The following TNS4 variants were observed in gnomAD, a reference collection of about 807,000 sequenced individuals.
The protein encoded by TNS4 is tensin-4.
In TNS4, 46 loss-of-function variants were observed where a neutral mutation model predicts 70.4. The ratio of observed to expected loss-of-function variants is 0.65; its 90% CI spans 0.52 to 0.84. The LOEUF is 0.84. Among genes scored for constraint, TNS4 ranks in the 40% least tolerant of loss-of-function variants. TNS4 has a pLI of 0.00. For missense variants in TNS4, 863 were observed against 907.0 expected (o/e 0.95, Z 0.62); for synonymous variants, 390 against 366.6 (o/e 1.06, Z -0.73).
At chr17:40,480,137 A>T in intron 9 of TNS4, 1 of 383,870 alleles carries the variant, frequency 2.6e-6, no homozygotes, top group Non-Finnish European at 4.7e-6. Flanking sequence ...TTCTGTCCAC[A>T]CTTAACGGCT....
At chr17:40,482,473 G>T in intron 6 of TNS4, 57 bp from the exon 7 acceptor site, 1 of 1,563,462 alleles carries the variant, frequency 6.4e-7, no homozygotes, top group South Asian at 1.1e-5. Context: ...GCCGGGCGCG[G>T]TGGCTCACGC....
At position 40,482,398 on chromosome 17, in the gene TNS4, A is replaced by T. The variant is rs1370659527; in HGVS notation, c.1520T>A (p.Leu507His). ...CGACTCGATGAGGAAGTGTCGGATG[A>T]GGTCATTGCTGTCCTCACCTGGACA... ...QSRPGEDSND[L>H]IRHFLIESSA... Residue 507 changes from leucine (L) to histidine (H), a missense_variant, in exon 7 of 13, where the codon CTC becomes CAC. Coordinates refer to ENST00000254051, the MANE Select transcript of TNS4 (RefSeq NM_032865.6). 1 of 1,614,028 alleles carries T rather than the reference A, an allele frequency of 6.2e-7. No homozygotes were observed. The highest frequency in any genetic ancestry group is 8.5e-7 in the Non-Finnish European group (1 of 1,180,004).
intron 2 of TNS4, among the ~76,000 whole-genome samples, chr17:40,492,026 G>C (rs1319813889): frequency 6.6e-6 from 1 of 152,198 alleles, no homozygotes; most frequent in Non-Finnish European, 1.5e-5. Context: ...ATTCTCTGTG[G>C]GATGGGGGCC....
At chr17:40,500,692 G>C (rs2036201647) in intron 1 of TNS4, among the ~76,000 whole-genome samples, 1 of 152,154 alleles carries the variant, frequency 6.6e-6, no homozygotes, top group Admixed American at 6.5e-5. Flanking sequence ...GAAGGGAGAG[G>C]GTGGGGCAAG....
chr17:40,496,242 G>C lies in TNS4; in HGVS notation c.184C>G (p.Pro62Ala), dbSNP rs745341273. The change falls in exon 2 of 13, where the codon CCC becomes GCC. Residue 62 changes from proline to alanine, a missense_variant. By Grantham distance (27) the Pro-to-Ala change is conservative. Coordinates refer to ENST00000254051, the MANE Select transcript of TNS4 (RefSeq NM_032865.6). ...ALMAPVPCMGPPGRLQQAPQV... is the reference protein window; with the variant it reads ...ALMAPVPCMGAPGRLQQAPQV... ...GGGGCTTGCTGGAGTCGGCCAGGGG[G>C]CCCCATGCAGGGCACGGGGGCCATC... 1.8e-5 allele frequency: 28 copies of C among 1,594,230 alleles called. No individual in the cohort carries two copies. In the East Asian group the frequency reaches 6.3e-4, roughly 36 times the overall value.
In TNS4 at chr17:40,478,519, C is replaced by T. The variant is rs372629582; in HGVS notation, c.1979+61G>A. On this transcript the variant is annotated intron_variant, in intron 11 of 12. Transcript: ENST00000254051. Reference sequence around the variant, plus strand: ...GATCCCAGGCCCAGAGTCGGCAGGACGCCTTGGTGGGCAGCGGGGCCCTGG... The same window carrying T: ...GATCCCAGGCCCAGAGTCGGCAGGATGCCTTGGTGGGCAGCGGGGCCCTGG... 6,679 of 1,599,040 alleles carry T rather than the reference C, an allele frequency of 4.2e-3. 22 individuals carry two copies. The highest frequency in any genetic ancestry group is 5.2e-3 in the Non-Finnish European group (6,115 of 1,168,008).
intron 1 of TNS4, among the ~76,000 whole-genome samples, chr17:40,497,473 C>T (rs970265375): frequency 2.0e-4 from 31 of 152,234 alleles, no homozygotes; most frequent in African/African-American, 5.8e-4. Context: ...CATGATGGCA[C>T]GTGCCTGTAA....
At position 40,488,974 on chromosome 17, in the gene TNS4, G is replaced by C; in HGVS notation, c.440-5C>G. ...TCACCTCGATGTACTTTATGTCTTTGGGGGAGAAAAGCAGAGCATTGGTGA... is the reference window on the plus strand; with the variant it reads ...TCACCTCGATGTACTTTATGTCTTTCGGGGAGAAAAGCAGAGCATTGGTGA... On this transcript the variant is annotated splice_region_variant and splice_polypyrimidine_tract_variant and intron_variant, in intron 2 of 12. Coordinates refer to ENST00000254051, the MANE Select transcript of TNS4 (RefSeq NM_032865.6). 6.4e-7 allele frequency: 1 copy of C among 1,556,746 alleles called. No individual in the cohort carries two copies. Among genetic ancestry groups the C allele is most frequent in the Non-Finnish European group, 8.7e-7 (1 of 1,154,986 alleles).
chr17:40,500,308 C>G (rs1326109506), intron 1 of TNS4, among the ~76,000 whole-genome samples: 1 of 152,250 alleles, frequency 6.6e-6, no homozygotes, highest in Admixed American at 6.5e-5. Context: ...CCTCCCCTCA[C>G]TTTTAAGGCT....
At chr17:40,490,891 G>A (rs1286329686) in intron 2 of TNS4, among the ~76,000 whole-genome samples, 5 of 152,178 alleles carry the variant, frequency 3.3e-5, no homozygotes, top group Admixed American at 6.5e-5. Flanking sequence ...TACAATAGCC[G>A]GGAGCCTGGC....
intron 1 of TNS4, among the ~76,000 whole-genome samples, chr17:40,500,479 C>T (rs568612799): frequency 4.9e-4 from 74 of 152,172 alleles, no homozygotes; most frequent in African/African-American, 1.7e-3. Flanking sequence ...TTGGGAGGCA[C>T]GGGGCGGGGG....
At chr17:40,495,813 C>A (rs573957702) in intron 2 of TNS4, among the ~76,000 whole-genome samples, 174 bp downstream of exon 2, 40 of 152,296 alleles carry the variant, frequency 2.6e-4, no homozygotes, top group African/African-American at 9.4e-4. Flanking sequence ...GTGAGGGAAG[C>A]TTGTATTTAT....
chr17:40,487,074 T>C lies in TNS4; in HGVS notation c.1250A>G (p.Gln417Arg), dbSNP rs2035998343. The C allele has an allele frequency of 1.9e-6, 3 of 1,614,214 alleles. No individual in the cohort carries two copies. Among genetic ancestry groups the C allele is most frequent in the Non-Finnish European group, 2.5e-6 (3 of 1,180,028 alleles). Residue 417 changes from glutamine to arginine, a missense_variant, in exon 4 of 13, where the codon CAG becomes CGG. Transcript: ENST00000254051. ...NPCPATRSNS[Q>R]TLSDAPFTTC... ...GGTAAAGGGGGCATCTGACAGGGTC[T>C]GGCTGTTGCTCCTGGTGGCTGGACA...
chr17:40,495,233 C>T (rs1350922785), intron 2 of TNS4, among the ~76,000 whole-genome samples: 1 of 152,188 alleles, frequency 6.6e-6, no homozygotes, highest in Non-Finnish European at 1.5e-5. Context: ...TCTCCCCACC[C>T]TCCATACTAT....
chr17:40,487,031 C>T lies in TNS4; in HGVS notation c.1288+5G>A, dbSNP rs745959869. 28 of 1,612,588 alleles carry T rather than the reference C, an allele frequency of 1.7e-5. No individual in the cohort carries two copies. Among genetic ancestry groups the T allele is most frequent in the South Asian group, 3.3e-5 (3 of 91,052 alleles). On this transcript the variant is annotated splice_donor_5th_base_variant and intron_variant, in intron 4 of 12. Coordinates refer to ENST00000254051, the MANE Select transcript of TNS4 (RefSeq NM_032865.6). The stretch of plus-strand genomic sequence containing the variant: ...CATTGCTTCAAATATTGGTTTACGA[C>T]GTACCCTCTGGGCATGTGGTAAAGG...
intron 11 of TNS4, 92 bp from the exon 12 acceptor site, chr17:40,478,425 A>AC: frequency 2.2e-6 from 3 of 1,377,670 alleles, no homozygotes; most frequent in Non-Finnish European, 3.0e-6. Flanking sequence ...CTGCGTCCCC[A>AC]CCCCACCATG....
chr17:40,494,844 T>C (rs1163739892), intron 2 of TNS4, among the ~76,000 whole-genome samples: 2 of 152,274 alleles, frequency 1.3e-5, no homozygotes, highest in East Asian at 3.9e-4. Context: ...TAATATCTTA[T>C]GGCTCCTATC....
chr17:40,480,593 C>T (rs986894020), intron 9 of TNS4, 107 bp downstream of exon 9: 9 of 1,088,864 alleles, frequency 8.3e-6, no homozygotes, highest in Middle Eastern at 3.2e-4. Flanking sequence ...ATGGGAAACA[C>T]GTGTGTGCCT....
chr17:40,491,316 C>A (rs573010527), intron 2 of TNS4, among the ~76,000 whole-genome samples: 2 of 142,500 alleles, frequency 1.4e-5, no homozygotes, highest in Non-Finnish European at 3.0e-5. Context: ...AGGACCACTA[C>A]GAACACATTG....
Sources: gnomAD v4.1 joint callset for allele counts (sites outside exome capture counted in the v4.1 genomes callset) on GRCh38, gnomAD v4.1.1 for gene constraint, MANE v1.5 for transcripts, NCBI Gene and HGNC (gene_info 2026-07-23, HGNC 2026-07-21) for gene names.